Variants in UGGT2 observed in about 807,000 individuals in gnomAD.
UGGT2 encodes UDP-glucose:glycoprotein glucosyltransferase 2.
UGGT2 carries 180 observed loss-of-function variants against 192.1 expected under a neutral mutation model. That is an observed-to-expected ratio of 0.94 (90% confidence interval 0.83 to 1.06). The LOEUF is 1.06. UGGT2 is among the 50% of genes least tolerant of loss of function. The probability of loss-of-function intolerance (pLI) is 0.00; values close to 1 mark genes in which losing one functional copy is unlikely to be tolerated. For missense variants in UGGT2, 1,849 were observed against 1,795.7 expected, an observed-to-expected ratio of 1.03 and a Z score of -0.54; for synonymous variants, 580 against 591.0, an observed-to-expected ratio of 0.98 and a Z score of 0.27.
In UGGT2 at chr13:95,884,614, T is replaced by C; in HGVS notation, c.3105A>G (p.Pro1035=). 1 of 1,613,986 alleles carries C rather than the reference T, an allele frequency of 6.2e-7. No homozygotes were observed. Among genetic ancestry groups the C allele is most frequent in the Non-Finnish European group, 8.5e-7 (1 of 1,179,906 alleles). ...SGANDVSSLG[P]VAKFLDIPES... is the part of the protein sequence containing the mutation. ...CAGGAATATCCAAAAATTTTGCCAC[T>C]GGTCCAAGAGAAGAAACGTCATTAG... The change falls in exon 27 of 39, where the codon CCA becomes CCG. Residue 1035 remains proline, a synonymous_variant. Transcript: ENST00000376747.
intron 4 of UGGT2, among the ~76,000 whole-genome samples, chr13:96,018,522 AT>A (rs1291442278): frequency 1.3e-5 from 2 of 152,170 alleles, no homozygotes; most frequent in Non-Finnish European, 2.9e-5. Context: ...TCTCAAAAAA[AT>A]AAATAAATAA....
chr13:95,841,063 A>G (rs1339916028), intron 36 of UGGT2, among the ~76,000 whole-genome samples: 1 of 152,026 alleles, frequency 6.6e-6, no homozygotes, highest in Non-Finnish European at 1.5e-5. Context: ...GGCTGGGGGA[A>G]GCGGAGGGAG....
chr13:95,900,083 A>G (rs1263966018), intron 22 of UGGT2, among the ~76,000 whole-genome samples: 1 of 152,126 alleles, frequency 6.6e-6, no homozygotes, highest in Admixed American at 6.6e-5. Context: ...TAAGACTATC[A>G]TATTAAAAAT....
intron 10 of UGGT2, among the ~76,000 whole-genome samples, chr13:95,981,300 TA>T (rs1352294048): frequency 1.5e-4 from 1 of 6,480 alleles, no homozygotes; most frequent in Non-Finnish European, 1.4e-3. Context: ...CCGCCTCTAC[TA>T]AAAATACAAA....
intron 38 of UGGT2, among the ~76,000 whole-genome samples, chr13:95,822,457 T>A (rs1299636775): frequency 6.6e-6 from 1 of 152,106 alleles, no homozygotes; most frequent in Non-Finnish European, 1.5e-5. Context: ...TCTTTAGGGT[T>A]TTCTAGGTAG....
intron 26 of UGGT2, among the ~76,000 whole-genome samples, chr13:95,885,918 A>C (rs1160184508): frequency 6.6e-6 from 1 of 152,180 alleles, no homozygotes; most frequent in African/African-American, 2.4e-5. Flanking sequence ...TTCTTTGAAG[A>C]AATTTAGTTA....
At chr13:95,833,133 C>G in intron 37 of UGGT2, 80 bp from the exon 38 acceptor site, 1 of 1,476,778 alleles carries the variant, frequency 6.8e-7, no homozygotes, top group East Asian at 2.4e-5. Flanking sequence ...CTAGGGCAAA[C>G]AAAATACATT....
At chr13:95,898,464 A>G (rs755203022) in intron 22 of UGGT2, among the ~76,000 whole-genome samples, 3 of 152,094 alleles carry the variant, frequency 2.0e-5, no homozygotes, top group Non-Finnish European at 4.4e-5. Context: ...CATTCACTGT[A>G]CTCTGTCTAG....
chr13:96,042,771 T>C (rs953037603), intron 1 of UGGT2, among the ~76,000 whole-genome samples: 1 of 152,024 alleles, frequency 6.6e-6, no homozygotes, highest in South Asian at 2.1e-4. Flanking sequence ...ACTTCAGAGC[T>C]TGAGGACACG....
intron 10 of UGGT2, among the ~76,000 whole-genome samples, chr13:95,975,249 T>TTA (rs2050900949): frequency 6.6e-6 from 1 of 152,148 alleles, no homozygotes; most frequent in African/African-American, 2.4e-5. Flanking sequence ...ATTTGGGTTT[T>TTA]TAAGGGCCAA....
intron 38 of UGGT2, among the ~76,000 whole-genome samples, chr13:95,805,351 G>T (rs1308725251): frequency 1.3e-5 from 2 of 151,874 alleles, no homozygotes; most frequent in Non-Finnish European, 2.9e-5. Flanking sequence ...TGATGGGAGT[G>T]TAAAATAATG....
intron 7 of UGGT2, among the ~76,000 whole-genome samples, chr13:95,993,204 G>A (rs996927166): frequency 3.9e-5 from 6 of 152,002 alleles, no homozygotes; most frequent in African/African-American, 1.4e-4. Context: ...GGGTATACAC[G>A]AACATAAAGA....
At chr13:95,905,374 GC>G (rs1428344378) in intron 20 of UGGT2, among the ~76,000 whole-genome samples, 7 of 151,846 alleles carry the variant, frequency 4.6e-5, no homozygotes, top group Non-Finnish European at 1.0e-4. Flanking sequence ...CCTTGCCCAT[GC>G]CTATGTCCTG....
At chr13:95,997,020 A>T (rs761589594) in intron 6 of UGGT2, among the ~76,000 whole-genome samples, 2 of 152,204 alleles carry the variant, frequency 1.3e-5, no homozygotes, top group Non-Finnish European at 2.9e-5. Context: ...GCTCTCTATC[A>T]GAGTTTATCA....
At chr13:95,966,918 TAA>T (rs1009092887) in intron 12 of UGGT2, among the ~76,000 whole-genome samples, 1 of 152,194 alleles carries the variant, frequency 6.6e-6, no homozygotes, top group Non-Finnish European at 1.5e-5. Context: ...ATCATTATCT[TAA>T]GTCATATTTA....
chr13:95,955,745 C>T (rs575587835), intron 12 of UGGT2, among the ~76,000 whole-genome samples: 5 of 152,260 alleles, frequency 3.3e-5, no homozygotes, highest in African/African-American at 7.2e-5. Context: ...TCAAACAGGG[C>T]TGCTGCATAT....
chr13:95,993,867 A>G (rs897312902), intron 7 of UGGT2, among the ~76,000 whole-genome samples: 9 of 152,108 alleles, frequency 5.9e-5, no homozygotes, highest in Non-Finnish European at 1.2e-4. Flanking sequence ...CTTGTAAATA[A>G]GGGAAAATGT....
chr13:95,905,221 G>A (rs1461327273), intron 20 of UGGT2, among the ~76,000 whole-genome samples: 4 of 150,134 alleles, frequency 2.7e-5, no homozygotes, highest in African/African-American at 4.9e-5. Flanking sequence ...AGTAGGTTGT[G>A]GAAATTTTCT....
At chr13:95,964,596 C>A (rs950427196) in intron 12 of UGGT2, among the ~76,000 whole-genome samples, 3 of 152,042 alleles carry the variant, frequency 2.0e-5, no homozygotes, top group Non-Finnish European at 4.4e-5. Flanking sequence ...GGAAGTTGAA[C>A]AACTCAACAA....
Sources: gnomAD v4.1 joint callset for allele counts (sites outside exome capture counted in the v4.1 genomes callset) on GRCh38, gnomAD v4.1.1 for gene constraint, MANE v1.5 for transcripts, NCBI Gene and HGNC (gene_info 2026-07-23, HGNC 2026-07-21) for gene names.